RNF220: variants seen among roughly 807,000 people sequenced by gnomAD.
RNF220 encodes E3 ubiquitin-protein ligase RNF220.
A neutral mutation model predicts 67.1 loss-of-function variants in RNF220; 7 were observed. The ratio of observed to expected loss-of-function variants is 0.10; its 90% CI spans 0.06 to 0.20. The LOEUF is 0.20. Among genes scored for constraint, RNF220 ranks in the 10% least tolerant of loss-of-function variants. The pLI, the probability that RNF220 is intolerant of heterozygous loss-of-function variation, is 1.00. For missense variants in RNF220, 565 were observed against 740.3 expected (o/e 0.76, Z 2.75); for synonymous variants, 270 against 283.2 (o/e 0.95, Z 0.47).
chr1:44,490,386 C>T (rs1460252977), intron 2 of RNF220, among the ~76,000 whole-genome samples: 1 of 151,810 alleles, frequency 6.6e-6, no homozygotes, highest in African/African-American at 2.4e-5. Flanking sequence ...AGAAGAATCA[C>T]TTGAACCCAG....
At chr1:44,545,035 G>T (rs114303087) in intron 2 of RNF220, among the ~76,000 whole-genome samples, 1 of 152,224 alleles carries the variant, frequency 6.6e-6, no homozygotes, top group African/African-American at 2.4e-5. Context: ...CAAACAAAGC[G>T]GGCTAAAATC....
chr1:44,466,832 A>G (rs1359306247), intron 2 of RNF220, among the ~76,000 whole-genome samples: 2 of 152,252 alleles, frequency 1.3e-5, no homozygotes, highest in Non-Finnish European at 2.9e-5. Flanking sequence ...TTTATAGAGC[A>G]TAGGCAGAAT....
chr1:44,546,586 G>A (rs936407136), intron 2 of RNF220, among the ~76,000 whole-genome samples: 3 of 152,228 alleles, frequency 2.0e-5, no homozygotes, highest in African/African-American at 4.8e-5. Context: ...CCCTAATGCT[G>A]TAAAAGGCAA....
chr1:44,456,236 G>C (rs1244073506), intron 2 of RNF220, among the ~76,000 whole-genome samples: 5 of 152,152 alleles, frequency 3.3e-5, no homozygotes, highest in Non-Finnish European at 7.3e-5. Flanking sequence ...TGGTTACCAA[G>C]GGTCCAATGT....
At position 44,405,422 on chromosome 1, in the gene RNF220, G is replaced by T; in HGVS notation, c.-226G>T. The stretch of plus-strand genomic sequence containing the variant: ...CGCTGCCGCCGCCGCCGCCGCCGCT[G>T]CCTCCGCCGGCTCTGCGAACCCGGG... On this transcript the variant is annotated 5_prime_UTR_variant, in exon 1 of 15. Coordinates refer to ENST00000361799, the MANE Select transcript of RNF220 (RefSeq NM_018150.4). 1 of 632,700 alleles carries T rather than the reference G, an allele frequency of 1.6e-6. No homozygotes were observed. The highest frequency in any genetic ancestry group is 2.9e-6 in the Non-Finnish European group (1 of 350,074). The allele number at this position is 632,700 out of a possible 1,614,324, so 39.2% of individuals were successfully genotyped here.
intron 2 of RNF220, among the ~76,000 whole-genome samples, chr1:44,568,641 C>T (rs573154395): frequency 1.3e-5 from 2 of 152,342 alleles, no homozygotes; most frequent in Admixed American, 1.3e-4. Context: ...TCCTGAAGCA[C>T]TCTCCAGATG....
intron 2 of RNF220, among the ~76,000 whole-genome samples, chr1:44,416,183 C>T (rs1438755149): frequency 2.0e-5 from 3 of 152,146 alleles, no homozygotes; most frequent in Non-Finnish European, 4.4e-5. Flanking sequence ...TGTGAGAAGC[C>T]ATTCATGGAG....
At chr1:44,570,381 CT>C (rs1664347351) in intron 2 of RNF220, among the ~76,000 whole-genome samples, 2 of 152,302 alleles carry the variant, frequency 1.3e-5, no homozygotes, top group South Asian at 4.1e-4. Flanking sequence ...CTGAAAATTG[CT>C]TGTCTTCTTC....
intron 2 of RNF220, among the ~76,000 whole-genome samples, chr1:44,514,554 C>A (rs1659302525): frequency 6.6e-6 from 1 of 152,174 alleles, no homozygotes; most frequent in Non-Finnish European, 1.5e-5. Flanking sequence ...ATGCTGATGA[C>A]CATGCTAGTG....
intron 2 of RNF220, among the ~76,000 whole-genome samples, chr1:44,553,692 T>C (rs1477173718): frequency 2.0e-5 from 3 of 152,324 alleles, no homozygotes; most frequent in African/African-American, 7.2e-5. Context: ...AATAAATATA[T>C]GGTCCAGTTA....
chr1:44,421,440 C>T (rs1264309722), intron 2 of RNF220, among the ~76,000 whole-genome samples: 4 of 152,086 alleles, frequency 2.6e-5, no homozygotes, highest in Non-Finnish European at 5.9e-5. Context: ...CAGTTTTACC[C>T]TCTTGCCTAT....
chr1:44,615,892 G>A (rs1042516841), intron 3 of RNF220, among the ~76,000 whole-genome samples: 4 of 152,238 alleles, frequency 2.6e-5, no homozygotes, highest in African/African-American at 9.6e-5. Flanking sequence ...TTAGCTGGAT[G>A]GTTGTGGGTA....
intron 2 of RNF220, among the ~76,000 whole-genome samples, chr1:44,495,438 C>T (rs1361982047): frequency 6.6e-6 from 1 of 152,144 alleles, no homozygotes; most frequent in Non-Finnish European, 1.5e-5. Context: ...GGAATACAGA[C>T]AACTTAAAAA....
chr1:44,580,055 AAAGAAAGAAAAGAAAG>A (rs1478613583), intron 2 of RNF220, among the ~76,000 whole-genome samples: 5 of 144,180 alleles, frequency 3.5e-5, no homozygotes, highest in African/African-American at 1.1e-4. Context: ...AAAAAAAAAA[AAAGAAAGAAAAGAAAG>A]AAAGAAAGAA....
chr1:44,563,013 T>C (rs1484310083), intron 2 of RNF220, among the ~76,000 whole-genome samples: 3 of 152,182 alleles, frequency 2.0e-5, no homozygotes, highest in Non-Finnish European at 4.4e-5. Flanking sequence ...CACTACCCTG[T>C]AACCAAAAAA....
intron 2 of RNF220, among the ~76,000 whole-genome samples, chr1:44,426,834 C>A (rs1202926335): frequency 6.6e-6 from 1 of 152,074 alleles, no homozygotes. Context: ...TTAACAAGAT[C>A]TTAATTAACA....
At chr1:44,530,464 C>T (rs1162183199) in intron 2 of RNF220, among the ~76,000 whole-genome samples, 5 of 149,424 alleles carry the variant, frequency 3.3e-5, no homozygotes, top group Non-Finnish European at 7.4e-5. Context: ...AACATTTTTA[C>T]GTAGATGCGC....
chr1:44,552,275 T>G (rs1662697966), intron 2 of RNF220, among the ~76,000 whole-genome samples: 1 of 151,988 alleles, frequency 6.6e-6, no homozygotes, highest in Admixed American at 6.6e-5. Context: ...GTCCAGCACT[T>G]TGGGAGGATT....
chr1:44,553,904 C>T (rs991885362), intron 2 of RNF220, among the ~76,000 whole-genome samples: 20 of 152,286 alleles, frequency 1.3e-4, no homozygotes, highest in Admixed American at 3.9e-4. Context: ...GGAAGAACTG[C>T]GGCTATGACC....
Sources: allele counts gnomAD v4.1 joint callset (sites outside exome capture counted in the v4.1 genomes callset), GRCh38; gene constraint gnomAD v4.1.1; transcripts MANE v1.5; gene names NCBI Gene and HGNC (gene_info 2026-07-23, HGNC 2026-07-21).